Variants in CACNA2D3 observed in about 807,000 individuals in gnomAD.
CACNA2D3 encodes the protein calcium voltage-gated channel auxiliary subunit alpha2delta 3, also known as voltage-dependent calcium channel subunit alpha-2/delta-3.
A neutral mutation model predicts 160.6 loss-of-function variants in CACNA2D3; 60 were observed. The observed-to-expected ratio is 0.37, with a 90% confidence interval of 0.30 to 0.46. The LOEUF (loss-of-function observed/expected upper bound fraction) is 0.46. Among genes scored for constraint, CACNA2D3 ranks in the 20% least tolerant of loss-of-function variants. CACNA2D3 has a pLI of 1.00. For synonymous variants in CACNA2D3, 558 were observed against 492.9 expected (o/e 1.13, Z -1.75); for missense variants, 1,205 against 1,365.0 (o/e 0.88, Z 1.85).
rs911994587 is a variant in CACNA2D3 at position 54,658,013 on chromosome 3, C to T, written c.1167+15772C>T. Among the ~76,000 whole-genome samples the T allele has an allele frequency of 2.0e-5, 3 of 152,176 alleles. 1 individual carries two copies. Among genetic ancestry groups the T allele is most frequent in the South Asian group, 4.1e-4 (2 of 4,832 alleles). Reference sequence around the variant, plus strand: ...TGCCTGAGCAACAGAGTGAGTGAGACTCTGTCTCAAAAAAGAAAAAAGAAA... The same window carrying T: ...TGCCTGAGCAACAGAGTGAGTGAGATTCTGTCTCAAAAAAGAAAAAAGAAA... On this transcript the variant is annotated intron_variant, in intron 11 of 37. Transcript: ENST00000474759.
chr3:54,463,536 A>G (rs973079887), intron 4 of CACNA2D3, among the ~76,000 whole-genome samples: 8 of 151,860 alleles, frequency 5.3e-5, no homozygotes, highest in South Asian at 4.2e-4. Flanking sequence ...ATCTTCCATC[A>G]CTGATACCCT....
intron 17 of CACNA2D3, among the ~76,000 whole-genome samples, chr3:54,851,888 T>C (rs896396066): frequency 1.3e-5 from 2 of 152,224 alleles, no homozygotes; most frequent in African/African-American, 4.8e-5. Context: ...ACATGGCACA[T>C]CTCAATTCAG....
intron 2 of CACNA2D3, among the ~76,000 whole-genome samples, chr3:54,127,286 A>T (rs889729757): frequency 1.3e-5 from 2 of 152,230 alleles, no homozygotes. Context: ...CACTTACCAA[A>T]CACGCACATC....
At chr3:54,429,792 A>T (rs1479837257) in intron 4 of CACNA2D3, among the ~76,000 whole-genome samples, 1 of 152,152 alleles carries the variant, frequency 6.6e-6, no homozygotes, top group Non-Finnish European at 1.5e-5. Flanking sequence ...CATTCACTTG[A>T]GGTAATTTCT....
intron 5 of CACNA2D3, among the ~76,000 whole-genome samples, chr3:54,514,283 C>T (rs1319956395): frequency 2.0e-5 from 3 of 152,104 alleles, no homozygotes; most frequent in Non-Finnish European, 4.4e-5. Context: ...CAAAATATGT[C>T]TAAGAGAAGT....
At chr3:54,445,854 A>G (rs1700214948) in intron 4 of CACNA2D3, among the ~76,000 whole-genome samples, 1 of 152,176 alleles carries the variant, frequency 6.6e-6, no homozygotes, top group Non-Finnish European at 1.5e-5. Context: ...CTAGGAGGGT[A>G]GATGTTTATA....
chr3:54,545,053 C>T (rs1434759553), intron 5 of CACNA2D3, among the ~76,000 whole-genome samples: 1 of 152,138 alleles, frequency 6.6e-6, no homozygotes, highest in East Asian at 1.9e-4. Context: ...TTAAATGTTA[C>T]CAAGGTGTGA....
intron 2 of CACNA2D3, among the ~76,000 whole-genome samples, chr3:54,184,916 C>T: frequency 6.6e-6 from 1 of 152,198 alleles, no homozygotes; most frequent in East Asian, 1.9e-4. Flanking sequence ...GTAATGACTT[C>T]TTAGTGACCA....
intron 11 of CACNA2D3, among the ~76,000 whole-genome samples, chr3:54,736,224 T>G (rs1250459151): frequency 1.3e-5 from 2 of 150,068 alleles, no homozygotes; most frequent in African/African-American, 4.9e-5. Context: ...TTTTGTTCAT[T>G]TAGTGATGTC....
At position 54,708,091 on chromosome 3, in the gene CACNA2D3, C is replaced by T. The variant is rs140188598; in HGVS notation, c.1168-44508C>T. Among the ~76,000 whole-genome samples the T allele has an allele frequency of 9.9e-5, 15 of 152,232 alleles. No individual in the cohort carries two copies. In the East Asian group the frequency reaches 2.9e-3, roughly 29 times the overall value. ...GTAATTGTTTATTTGAAGCCAAAGT[C>T]AGAGATGTGGGAGACATAATTTAAA... is the stretch of plus-strand genomic sequence containing the variant. On this transcript the variant is annotated intron_variant, in intron 11 of 37. Transcript: ENST00000474759.
chr3:54,421,676 G>C (rs1414854450), intron 4 of CACNA2D3, among the ~76,000 whole-genome samples: 2 of 152,162 alleles, frequency 1.3e-5, no homozygotes, highest in African/African-American at 4.8e-5. Context: ...ACTGTTTCCT[G>C]CTGCACGGTT....
intron 2 of CACNA2D3, 59 bp downstream of exon 2, chr3:54,123,653 AT>A: frequency 1.4e-6 from 2 of 1,399,980 alleles, no homozygotes; most frequent in Non-Finnish European, 2.0e-6. Context: ...ATGGAGGCAG[AT>A]TTAGTTTTCC....
chr3:54,530,772 C>G (rs868363654), intron 5 of CACNA2D3, among the ~76,000 whole-genome samples: 2 of 152,254 alleles, frequency 1.3e-5, no homozygotes, highest in Middle Eastern at 3.4e-3. Flanking sequence ...TTCGTATGCT[C>G]AACCATATGC....
At chr3:55,050,724 A>G (rs1296598129) in intron 35 of CACNA2D3, among the ~76,000 whole-genome samples, 1 of 132,576 alleles carries the variant, frequency 7.5e-6, no homozygotes, top group East Asian at 2.0e-4. Flanking sequence ...CATTCTCCCC[A>G]TCACTTTCAG....
rs142687394 is a variant in CACNA2D3, at chr3:55,009,388, G to T, written c.2820G>T (p.Leu940Phe). 2,468 of 1,613,680 alleles carry T rather than the reference G, an allele frequency of 1.5e-3. 5 individuals carry two copies. Among genetic ancestry groups the T allele is most frequent in the Non-Finnish European group, 1.8e-3 (2,117 of 1,179,608 alleles). Residue 940 changes from leucine (L) to phenylalanine (F), a missense_variant and splice_region_variant, in exon 34 of 38, where the codon TTG (leucine) becomes TTT (phenylalanine). Transcript: ENST00000474759. ...TTGGGCTTTTCCACGATCTGTTTAG[G>T]TTCCTGGTGGAATTTAACCTCTGCA... Reference protein sequence around the residue: ...AVKWIMTELVLFLVEFNLCSW... With the variant: ...AVKWIMTELVFFLVEFNLCSW...
chr3:54,606,131 A>T (rs1266866742), intron 9 of CACNA2D3, among the ~76,000 whole-genome samples: 2 of 144,680 alleles, frequency 1.4e-5, no homozygotes, highest in Non-Finnish European at 3.0e-5. Context: ...TCACTTGACT[A>T]TGTAATGTAA....
chr3:54,182,259 G>A (rs1486851511), intron 2 of CACNA2D3, among the ~76,000 whole-genome samples: 1 of 152,096 alleles, frequency 6.6e-6, no homozygotes, highest in African/African-American at 2.4e-5. Flanking sequence ...AAATCTTTTT[G>A]CTTTAAATGA....
At chr3:54,575,918 A>G (rs1015178456) in intron 8 of CACNA2D3, among the ~76,000 whole-genome samples, 7 of 152,090 alleles carry the variant, frequency 4.6e-5, no homozygotes, top group African/African-American at 1.4e-4. Context: ...TCTGGATCAC[A>G]TAGGGGGGTG....
intron 17 of CACNA2D3, among the ~76,000 whole-genome samples, chr3:54,848,677 C>T (rs1271051843): frequency 1.3e-5 from 2 of 152,222 alleles, no homozygotes; most frequent in South Asian, 2.1e-4. Flanking sequence ...CTGCATTTTC[C>T]TTCTGAGCAA....
Sources: gnomAD v4.1 joint callset for allele counts (sites outside exome capture counted in the v4.1 genomes callset) on GRCh38, gnomAD v4.1.1 for gene constraint, MANE v1.5 for transcripts, NCBI Gene and HGNC (gene_info 2026-07-23, HGNC 2026-07-21) for gene names.